The following VCL variants were observed in gnomAD, a reference collection of about 807,000 sequenced individuals.
VCL encodes the protein epididymis luminal protein 114.
In VCL, 47 loss-of-function variants were observed where a neutral mutation model predicts 125.7. The ratio of observed to expected loss-of-function variants is 0.37; its 90% CI spans 0.30 to 0.48. The LOEUF (loss-of-function observed/expected upper bound fraction) is 0.48. Ranked by LOEUF, VCL falls within the 20% of genes least tolerant of loss-of-function variation. The pLI, the probability that VCL is intolerant of heterozygous loss-of-function variation, is 0.99. For missense variants in VCL, 1,069 were observed against 1,455.5 expected (o/e 0.73, Z 4.32); for synonymous variants, 458 against 514.6 (o/e 0.89, Z 1.49).
chr10:74,022,795 C>A (rs1274900878), intron 1 of VCL, among the ~76,000 whole-genome samples: 1 of 151,654 alleles, frequency 6.6e-6, no homozygotes, highest in Admixed American at 6.6e-5. Context: ...TGCCACCACA[C>A]CCGGCTAAAT....
chr10:74,002,377 G>A (rs1360576146), intron 1 of VCL, among the ~76,000 whole-genome samples: 1 of 149,576 alleles, frequency 6.7e-6, no homozygotes, highest in Non-Finnish European at 1.5e-5. Flanking sequence ...CGCCCGCCTC[G>A]GCCTCCCAAA....
chr10:74,082,597 A>G lies in VCL; in HGVS notation c.874+53A>G, dbSNP rs567854569. ...CAATACAACGAGAAGCTAAAAACCAAGCAAATGAAAGAAAGAAATTTTCCC... is the reference window on the plus strand; with the variant it reads ...CAATACAACGAGAAGCTAAAAACCAGGCAAATGAAAGAAAGAAATTTTCCC... On this transcript the variant is annotated intron_variant, in intron 7 of 21. Transcript: ENST00000211998. 4 of 1,579,186 alleles carry G rather than the reference A, an allele frequency of 2.5e-6. No homozygotes were observed. In the African/African-American group the frequency reaches 4.0e-5, roughly 16 times the overall value.
In VCL at chr10:74,017,046, C is replaced by CTTTTTTTTTTTTT. The variant is rs549275362; in HGVS notation, c.168+18678_168+18690dup. ...TGTAGCATATGTCAGAATTTCCTTCCTTTTTTTTTTTTTTTTTTTGAGACG... is the reference window on the plus strand; with the variant it reads ...TGTAGCATATGTCAGAATTTCCTTCCTTTTTTTTTTTTTTTTTTTTTTTTTTTTTTTTGAGACG... On this transcript the variant is annotated intron_variant, in intron 1 of 21. Coordinates refer to ENST00000211998, the MANE Select transcript of VCL (RefSeq NM_014000.3). Among the ~76,000 whole-genome samples the CTTTTTTTTTTTTT allele has an allele frequency of 6.2e-4, 70 of 113,108 alleles. 10 individuals are homozygous for CTTTTTTTTTTTTT. The highest frequency in any genetic ancestry group is 1.6e-3 in the African/African-American group (40 of 24,274). 74.2% of individuals were successfully genotyped at this position (113,108 alleles called of 152,430 possible). A position where few individuals can be genotyped will look rare whatever the true frequency, so the allele number is the denominator to read the frequency against.
intron 6 of VCL, among the ~76,000 whole-genome samples, chr10:74,079,191 A>G (rs1839639957): frequency 6.6e-6 from 1 of 152,168 alleles, no homozygotes; most frequent in Non-Finnish European, 1.5e-5. Flanking sequence ...CATTTAAAAC[A>G]TGAATTCATA....
chr10:74,056,572 G>C (rs1289625213), intron 2 of VCL, among the ~76,000 whole-genome samples: 1 of 152,130 alleles, frequency 6.6e-6, no homozygotes, highest in Non-Finnish European at 1.5e-5. Flanking sequence ...GGTTGGAACA[G>C]CATGTATTAA....
chr10:74,079,098 C>T (rs941889559), intron 6 of VCL, among the ~76,000 whole-genome samples: 8 of 152,066 alleles, frequency 5.3e-5, no homozygotes, highest in African/African-American at 1.9e-4. Context: ...GTTTCAGTTC[C>T]TAGGAAAGCA....
At chr10:74,037,533 G>A (rs1052187138) in intron 1 of VCL, among the ~76,000 whole-genome samples, 1 of 152,178 alleles carries the variant, frequency 6.6e-6, no homozygotes, top group African/African-American at 2.4e-5. Flanking sequence ...GCAGGTCAAG[G>A]TAACATAATC....
intron 1 of VCL, among the ~76,000 whole-genome samples, chr10:74,010,401 G>A (rs1840411294): frequency 1.3e-5 from 2 of 152,052 alleles, no homozygotes; most frequent in Admixed American, 1.3e-4. Context: ...ATCATGCTGT[G>A]TCTTCATATA....
At chr10:74,038,272 C>T (rs551867761) in intron 1 of VCL, among the ~76,000 whole-genome samples, 249 of 152,290 alleles carry the variant, frequency 1.6e-3, no homozygotes, top group Non-Finnish European at 2.9e-3. Flanking sequence ...GCTGGGATTA[C>T]AGGCATGAGC....
At chr10:74,114,923 T>C in intron 21 of VCL, 24 bp downstream of exon 21, 1 of 1,565,330 alleles carries the variant, frequency 6.4e-7, no homozygotes, top group Non-Finnish European at 8.7e-7. Context: ...GTTTTTGGTT[T>C]CTGGCTGGCA....
chr10:74,032,700 A>C (rs1335926867), intron 1 of VCL, among the ~76,000 whole-genome samples: 2 of 75,658 alleles, frequency 2.6e-5, no homozygotes, highest in Non-Finnish European at 5.5e-5. Flanking sequence ...TCTCGGTCTC[A>C]AAAAAAAAAA....
chr10:74,060,111 A>G (rs1037617669), intron 2 of VCL, among the ~76,000 whole-genome samples: 2 of 152,038 alleles, frequency 1.3e-5, no homozygotes, highest in African/African-American at 4.8e-5. Flanking sequence ...AGTGTGGGCA[A>G]CATAGTGAGA....
At chr10:74,053,413 T>G (rs1452071812) in intron 2 of VCL, among the ~76,000 whole-genome samples, 1 of 152,194 alleles carries the variant, frequency 6.6e-6, no homozygotes, top group Non-Finnish European at 1.5e-5. Context: ...TTATATCACA[T>G]TTCCTATTCA....
intron 8 of VCL, among the ~76,000 whole-genome samples, chr10:74,086,518 C>T (rs563855726): frequency 6.6e-6 from 1 of 152,348 alleles, no homozygotes; most frequent in East Asian, 1.9e-4. Flanking sequence ...AATGCCAGTG[C>T]AGTTTGATAG....
intron 1 of VCL, among the ~76,000 whole-genome samples, chr10:74,041,345 A>C (rs1474580276): frequency 5.3e-5 from 8 of 152,154 alleles, no homozygotes; most frequent in Non-Finnish European, 1.2e-4. Flanking sequence ...ACCATTTACT[A>C]TATTAAAGTT....
intron 1 of VCL, among the ~76,000 whole-genome samples, chr10:74,036,891 G>A (rs956638320): frequency 6.6e-6 from 1 of 150,840 alleles, no homozygotes; most frequent in African/African-American, 2.4e-5. Context: ...TTTCTTGTTT[G>A]TTCTACTTTT....
intron 1 of VCL, among the ~76,000 whole-genome samples, chr10:74,031,777 G>A (rs941877734): frequency 5.3e-5 from 8 of 151,686 alleles, no homozygotes; most frequent in South Asian, 2.1e-4. Context: ...AAAATTAGCC[G>A]AGTGTGGCCC....
intron 1 of VCL, among the ~76,000 whole-genome samples, chr10:74,004,103 A>C (rs1190744897): frequency 6.6e-6 from 1 of 151,842 alleles, no homozygotes; most frequent in Non-Finnish European, 1.5e-5. Flanking sequence ...TTTTTGCTTT[A>C]AAATTTGGTT....
chr10:74,080,082 A>C (rs1182553871), intron 6 of VCL, among the ~76,000 whole-genome samples: 1 of 152,168 alleles, frequency 6.6e-6, no homozygotes, highest in African/African-American at 2.4e-5. Context: ...AAAAAAAGAA[A>C]TGATTTTTGA....
Sources: gnomAD v4.1 joint callset for allele counts (sites outside exome capture counted in the v4.1 genomes callset) on GRCh38, gnomAD v4.1.1 for gene constraint, MANE v1.5 for transcripts, NCBI Gene and HGNC (gene_info 2026-07-23, HGNC 2026-07-21) for gene names.